KL: variants seen among roughly 807,000 people sequenced by gnomAD.
KL encodes the protein alpha-klotho.
In KL, 62 loss-of-function variants were observed where a neutral mutation model predicts 84.2. The observed-to-expected ratio is 0.74, with a 90% confidence interval of 0.60 to 0.91. KL has a LOEUF of 0.91. KL is among the 40% of genes least tolerant of loss of function. KL has a pLI of 0.00. For synonymous variants in KL, 528 were observed against 528.0 expected (o/e 1.00, Z 0.00); for missense variants, 1,261 against 1,305.7 (o/e 0.97, Z 0.53).
At chr13:33,021,377 A>T (rs539761375) in intron 1 of KL, among the ~76,000 whole-genome samples, 1 of 152,200 alleles carries the variant, frequency 6.6e-6, no homozygotes, top group Admixed American at 6.5e-5. Context: ...ATCTGTAGTC[A>T]CCATGCAGCA....
At chr13:33,031,629 G>A (rs1308386290) in intron 1 of KL, among the ~76,000 whole-genome samples, 11 of 151,950 alleles carry the variant, frequency 7.2e-5, no homozygotes. Flanking sequence ...GGAAAATAAG[G>A]GAAGAAAATG....
chr13:33,061,247 A>T lies in KL; in HGVS notation c.2168A>T (p.Asn723Ile), dbSNP rs368793454. 12 of 1,614,126 alleles carry T rather than the reference A, an allele frequency of 7.4e-6. No individual in the cohort carries two copies. The Admixed American group carries it at 8.3e-5, about 11-fold the overall frequency. Residue 723 changes from asparagine (N) to isoleucine (I), a missense_variant, in exon 4 of 5, where the codon AAT becomes ATT. By Grantham distance (149) the Asn-to-Ile change is moderately radical (BLOSUM62 -3). Coordinates refer to ENST00000380099, the MANE Select transcript of KL (RefSeq NM_004795.4). ...AATGAAAAGTTTAGGCATGCTCAGA[A>T]TGGGAAAATATCCATAGCCTTGCAG... Reference protein sequence around the residue: ...VYNEKFRHAQNGKISIALQAD... With the variant: ...VYNEKFRHAQIGKISIALQAD...
chr13:33,046,197 A>T (rs1395445127), intron 1 of KL, among the ~76,000 whole-genome samples: 1 of 152,162 alleles, frequency 6.6e-6, no homozygotes, highest in Non-Finnish European at 1.5e-5. Flanking sequence ...CTATTTTTTG[A>T]AGAGCTTGAA....
intron 3 of KL, among the ~76,000 whole-genome samples, chr13:33,057,121 T>A (rs1871991639): frequency 6.6e-6 from 1 of 152,118 alleles, no homozygotes; most frequent in African/African-American, 2.4e-5. Flanking sequence ...ATAGATCGGA[T>A]GGTCCCTGGT....
chr13:33,055,063 G>C lies in KL; in HGVS notation c.1347G>C (p.Gly449=). 2 of 1,614,160 alleles carry C rather than the reference G, an allele frequency of 1.2e-6. No individual in the cohort carries two copies. The highest frequency in any genetic ancestry group is 8.5e-7 in the Non-Finnish European group (1 of 1,180,032). The change falls in exon 3 of 5, where the codon GGG becomes GGC. Residue 449 remains glycine, a synonymous_variant. Coordinates refer to ENST00000380099, the MANE Select transcript of KL (RefSeq NM_004795.4). ...METLKAIKLD[G]VDVIGYTAWS... is the part of the protein sequence containing the mutation. ...CCTTTGCAGCCATCAAGCTGGATGG[G>C]GTGGATGTCATCGGGTATACCGCAT...
rs1364348899 is a variant in KL at position 33,064,989 on chromosome 13, G to A, written c.*803G>A. 1.8e-5 allele frequency: 4 copies of A among 227,704 alleles called. No homozygotes were observed. The highest frequency in any genetic ancestry group is 8.9e-5 in the African/African-American group (4 of 45,010). 14.1% of individuals were successfully genotyped at this position (227,704 alleles called of 1,614,324 possible). ...AAGCATAAAGCAATTGTGAAATACA[G>A]TATACCGCAGTGGCTCTAGGTGGAG... On this transcript the variant is annotated 3_prime_UTR_variant, in exon 5 of 5. Transcript: ENST00000380099.
chr13:33,028,281 C>T (rs961650536), intron 1 of KL, among the ~76,000 whole-genome samples: 13 of 152,150 alleles, frequency 8.5e-5, no homozygotes, highest in African/African-American at 3.1e-4. Flanking sequence ...ATTTCTTGGC[C>T]ATCACAAAGA....
At chr13:33,059,366 A>C (rs1872086830) in intron 3 of KL, among the ~76,000 whole-genome samples, 1 of 152,196 alleles carries the variant, frequency 6.6e-6, no homozygotes. Flanking sequence ...ATTGTTACAG[A>C]AGAATAATTT....
At chr13:33,036,230 G>A (rs1871142577) in intron 1 of KL, among the ~76,000 whole-genome samples, 1 of 152,134 alleles carries the variant, frequency 6.6e-6, no homozygotes, top group African/African-American at 2.4e-5. Flanking sequence ...TTACGACAAG[G>A]ACAAAGGATT....
rs557573399 is a variant in KL, at chr13:33,028,511, A to G, written c.819+11252A>G. On this transcript the variant is annotated intron_variant, in intron 1 of 4. Transcript: ENST00000380099. ...ATGAAAGGGCAGGTCTAACCCAGGA[A>G]AAGGATGATGAACTGTAGACCCATG... Among the ~76,000 whole-genome samples, 4 of 152,302 alleles carry G rather than the reference A, an allele frequency of 2.6e-5. No individual in the cohort carries two copies. The East Asian group carries it at 7.7e-4, about 29-fold the overall frequency.
At chr13:33,052,232 T>A (rs543804913) in intron 1 of KL, among the ~76,000 whole-genome samples, 2 of 152,316 alleles carry the variant, frequency 1.3e-5, no homozygotes, top group African/African-American at 4.8e-5. Flanking sequence ...CCTCCCAAAG[T>A]GCTGGGACTG....
At chr13:33,018,106 A>T (rs1199743803) in intron 1 of KL, among the ~76,000 whole-genome samples, 2 of 152,118 alleles carry the variant, frequency 1.3e-5, no homozygotes, top group Non-Finnish European at 1.5e-5. Flanking sequence ...TTTTCTCCTT[A>T]GTGTTCAAAT....
rs532988781 is a variant in KL at position 33,061,496 on chromosome 13, T to G, written c.2417T>G (p.Leu806Ter). 5.6e-6 allele frequency: 9 copies of G among 1,614,234 alleles called. No homozygotes were observed. In the Admixed American group the frequency reaches 1.3e-4, roughly 24 times the overall value. ...LIQGTFDFLA[L>*]SHYTTILVDS... is the part of the protein sequence containing the mutation. The stretch of plus-strand genomic sequence containing the variant: ...CAGGGTACCTTTGACTTTTTGGCTT[T>G]AAGCCATTATACCACCATCCTTGTA... Residue 806 changes from leucine to a stop codon, truncating the protein, a stop_gained, in exon 4 of 5, where the codon TTA becomes TGA. Transcript: ENST00000380099. LOFTEE classifies it high-confidence loss of function.
intron 1 of KL, among the ~76,000 whole-genome samples, chr13:33,031,432 A>G (rs1870968734): frequency 6.8e-6 from 1 of 147,844 alleles, no homozygotes; most frequent in African/African-American, 2.5e-5. Context: ...AATCACTAAC[A>G]CATTGAAAAA....
At chr13:33,024,168 C>T (rs565386285) in intron 1 of KL, among the ~76,000 whole-genome samples, 44 of 152,280 alleles carry the variant, frequency 2.9e-4, no homozygotes, top group Non-Finnish European at 7.3e-5. Flanking sequence ...AAGACCAGTA[C>T]GTTTTGTTCT....
intron 1 of KL, among the ~76,000 whole-genome samples, chr13:33,053,171 G>A (rs913083740): frequency 1.3e-5 from 2 of 152,194 alleles, no homozygotes; most frequent in African/African-American, 4.8e-5. Context: ...CTGTCCCAGA[G>A]TTCTGGAGGG....
intron 1 of KL, among the ~76,000 whole-genome samples, chr13:33,017,466 GTGCCCCTTGGAGTCCATC>G (rs1870413488): frequency 6.6e-6 from 1 of 152,254 alleles, no homozygotes; most frequent in South Asian, 2.1e-4. Flanking sequence ...ACACGAGTGA[GTGCCCCTTGGAGTCCATC>G]TGTGGAAAGG....
At position 33,016,484 on chromosome 13, in the gene KL, C is replaced by G; in HGVS notation, c.44C>G (p.Pro15Arg). 5.2e-6 allele frequency: 6 copies of G among 1,162,638 alleles called. No individual in the cohort carries two copies. The highest frequency in any genetic ancestry group is 5.3e-6 in the Non-Finnish European group (5 of 944,534). The allele number at this position is 1,162,638 out of a possible 1,614,324, so 72.0% of individuals were successfully genotyped here. Residue 15 changes from proline to arginine, a missense_variant, in exon 1 of 5, where the codon CCG becomes CGG. Physicochemically the swap from Pro to Arg is moderately radical, Grantham distance 103 (BLOSUM62 -2). Transcript: ENST00000380099. ...APPRRPRPPP[P>R]SLSLLLVLLG... Reference sequence around the variant, plus strand: ...CCGCGCCGCCCGCGGCCGCCGCCGCCGTCGCTGTCGCTGCTGCTGGTGCTG... The same window carrying G: ...CCGCGCCGCCCGCGGCCGCCGCCGCGGTCGCTGTCGCTGCTGCTGGTGCTG...
Position 33,065,472 on chromosome 13 carries a change from A to G in KL, c.*1286A>G, listed in dbSNP as rs41292181. On this transcript the variant is annotated 3_prime_UTR_variant, in exon 5 of 5. Transcript: ENST00000380099. ...TTACACTGGAGCTGTTTTATAGATA[A>G]GTCAATATTGTATCAGGCAAGATAA... 0.024 allele frequency: 4,717 copies of G among 192,646 alleles called. 90 individuals are homozygous for G. Among genetic ancestry groups the G allele is most frequent in the Non-Finnish European group, 0.037 (3,372 of 91,908 alleles). 11.9% of individuals were successfully genotyped at this position (192,646 alleles called of 1,614,324 possible).
Sources: gnomAD v4.1 joint callset for allele counts (sites outside exome capture counted in the v4.1 genomes callset) on GRCh38, gnomAD v4.1.1 for gene constraint, MANE v1.5 for transcripts, NCBI Gene and HGNC (gene_info 2026-07-23, HGNC 2026-07-21) for gene names.